The following NSMCE2 variants were observed in gnomAD, a reference collection of about 807,000 sequenced individuals.
The protein encoded by NSMCE2 is E3 SUMO-protein ligase NSE2.
A neutral mutation model predicts 23.8 loss-of-function variants in NSMCE2; 24 were observed. The ratio of observed to expected loss-of-function variants is 1.01; its 90% CI spans 0.73 to 1.42. The LOEUF (loss-of-function observed/expected upper bound fraction) is 1.42, where lower values mean the gene tolerates loss of function less well. Ranked by LOEUF, NSMCE2 falls within the 40% of genes most tolerant of loss-of-function variation. NSMCE2 has a pLI of 0.00. For missense variants in NSMCE2, 284 were observed against 296.5 expected, an observed-to-expected ratio of 0.96 and a Z score of 0.31; for synonymous variants, 92 against 94.1, an observed-to-expected ratio of 0.98 and a Z score of 0.13.
chr8:125,305,052 T>C (rs1406151758), intron 5 of NSMCE2, among the ~76,000 whole-genome samples: 1 of 152,090 alleles, frequency 6.6e-6, no homozygotes, highest in African/African-American at 2.4e-5. Flanking sequence ...ACTTGGGGAC[T>C]ATTTGAAGTA....
chr8:125,243,658 G>A (rs1428266174), intron 5 of NSMCE2, among the ~76,000 whole-genome samples: 1 of 152,046 alleles, frequency 6.6e-6, no homozygotes, highest in Non-Finnish European at 1.5e-5. Flanking sequence ...ATATTTTAAG[G>A]AATTATAAGA....
At chr8:125,139,256 T>TC (rs1820230065) in intron 3 of NSMCE2, among the ~76,000 whole-genome samples, 1 of 152,248 alleles carries the variant, frequency 6.6e-6, no homozygotes, top group African/African-American at 2.4e-5. Context: ...CACCACTGTG[T>TC]CCAGGGTACC....
At chr8:125,250,275 T>C (rs550882231) in intron 5 of NSMCE2, among the ~76,000 whole-genome samples, 1 of 152,274 alleles carries the variant, frequency 6.6e-6, no homozygotes, top group South Asian at 2.1e-4. Flanking sequence ...AGCAACACTA[T>C]TTTATATGTA....
intron 3 of NSMCE2, among the ~76,000 whole-genome samples, chr8:125,103,818 A>G (rs1306799729): frequency 2.0e-5 from 3 of 151,078 alleles, no homozygotes; most frequent in African/African-American, 4.9e-5. Flanking sequence ...CATAACAAAG[A>G]ATTAAGTAGA....
intron 5 of NSMCE2, among the ~76,000 whole-genome samples, chr8:125,301,884 G>A (rs1005504999): frequency 5.9e-5 from 9 of 152,018 alleles, no homozygotes; most frequent in Non-Finnish European, 1.0e-4. Context: ...GACTGGTCTC[G>A]AACTCCTGAC....
intron 5 of NSMCE2, among the ~76,000 whole-genome samples, chr8:125,329,830 A>T (rs117896352): frequency 7.3e-4 from 111 of 152,370 alleles, no homozygotes; most frequent in Non-Finnish European, 1.4e-3. Context: ...GAATTAATTC[A>T]CACAGTGTTC....
At chr8:125,222,195 G>T (rs987541034) in intron 5 of NSMCE2, among the ~76,000 whole-genome samples, 1 of 151,868 alleles carries the variant, frequency 6.6e-6, no homozygotes, top group Non-Finnish European at 1.5e-5. Flanking sequence ...AAAAGATTAG[G>T]TATAAGGATG....
intron 5 of NSMCE2, among the ~76,000 whole-genome samples, chr8:125,213,942 C>G (rs1389079956): frequency 1.3e-5 from 2 of 152,092 alleles, no homozygotes; most frequent in African/African-American, 2.4e-5. Flanking sequence ...TGCTGGCATT[C>G]CAGTTTGTAA....
At chr8:125,223,359 A>G (rs988727621) in intron 5 of NSMCE2, among the ~76,000 whole-genome samples, 7 of 152,222 alleles carry the variant, frequency 4.6e-5, no homozygotes, top group African/African-American at 9.6e-5. Context: ...CCCTGTCCCA[A>G]CAAAATCAAA....
intron 5 of NSMCE2, among the ~76,000 whole-genome samples, chr8:125,186,460 T>G (rs1258041538): frequency 6.6e-6 from 1 of 152,224 alleles, no homozygotes; most frequent in Non-Finnish European, 1.5e-5. Context: ...CAGAACACTT[T>G]GAGGATTCAC....
chr8:125,110,610 G>A (rs1169308661), intron 3 of NSMCE2, among the ~76,000 whole-genome samples: 3 of 152,098 alleles, frequency 2.0e-5, no homozygotes, highest in African/African-American at 7.2e-5. Flanking sequence ...GTTAGTAAAT[G>A]TTTGAGTAGG....
chr8:125,170,516 C>G (rs1232774263), intron 4 of NSMCE2, among the ~76,000 whole-genome samples: 1 of 150,274 alleles, frequency 6.7e-6, no homozygotes, highest in African/African-American at 2.4e-5. Flanking sequence ...AGGAGATTCT[C>G]CTGCCTCAGC....
At chr8:125,330,170 CT>C (rs1193183369) in intron 5 of NSMCE2, among the ~76,000 whole-genome samples, 48 of 105,020 alleles carry the variant, frequency 4.6e-4, no homozygotes, top group Admixed American at 2.2e-3. Context: ...CTAACTTTTT[CT>C]TTTTTCTTTC....
At chr8:125,160,578 C>T (rs1821559231) in intron 4 of NSMCE2, among the ~76,000 whole-genome samples, 1 of 152,138 alleles carries the variant, frequency 6.6e-6, no homozygotes, top group African/African-American at 2.4e-5. Flanking sequence ...GACATTTGGC[C>T]AGCTGCATTT....
chr8:125,185,487 G>A (rs1166430077), intron 5 of NSMCE2, among the ~76,000 whole-genome samples: 1 of 151,912 alleles, frequency 6.6e-6, no homozygotes, highest in Non-Finnish European at 1.5e-5. Context: ...TGTATTTTTG[G>A]TAGAGACGAG....
At chr8:125,272,771 A>G (rs1223344330) in intron 5 of NSMCE2, among the ~76,000 whole-genome samples, 1 of 143,342 alleles carries the variant, frequency 7.0e-6, no homozygotes, top group African/African-American at 2.6e-5. Flanking sequence ...ATATATACAC[A>G]CACACGTATA....
At chr8:125,257,185 G>A (rs1256178094) in intron 5 of NSMCE2, among the ~76,000 whole-genome samples, 1 of 151,716 alleles carries the variant, frequency 6.6e-6, no homozygotes, top group East Asian at 2.0e-4. Context: ...TTGGGAGGCT[G>A]AGGCAGGAGA....
chr8:125,346,684 G>A (rs964442629), intron 5 of NSMCE2, among the ~76,000 whole-genome samples: 1 of 152,130 alleles, frequency 6.6e-6, no homozygotes, highest in African/African-American at 2.4e-5. Context: ...TTAAATGCAG[G>A]TGCTCAGTTT....
intron 4 of NSMCE2, among the ~76,000 whole-genome samples, chr8:125,171,235 T>C (rs1488434354): frequency 6.6e-6 from 1 of 152,236 alleles, no homozygotes; most frequent in African/African-American, 2.4e-5. Flanking sequence ...CTTATTATTC[T>C]TCTACTCAAG....
Sources: allele counts gnomAD v4.1 joint callset (sites outside exome capture counted in the v4.1 genomes callset), GRCh38; gene constraint gnomAD v4.1.1; transcripts MANE v1.5; gene names NCBI Gene and HGNC (gene_info 2026-07-23, HGNC 2026-07-21).